The following MARVELD2 variants were observed in gnomAD, a reference collection of about 807,000 sequenced individuals.
MARVELD2 encodes MARVEL domain-containing protein 2.
Under a neutral mutation model 57.6 loss-of-function variants are expected in MARVELD2, and 49 were observed. That is an observed-to-expected ratio of 0.85 (90% CI 0.68 to 1.08). MARVELD2 has a LOEUF of 1.08. Among genes scored for constraint, MARVELD2 ranks in the 50% least tolerant of loss-of-function variants. The pLI, the probability that MARVELD2 is intolerant of heterozygous loss-of-function variation, is 0.00. For missense variants in MARVELD2, 606 were observed against 701.1 expected (o/e 0.86, Z 1.53); for synonymous variants, 238 against 258.8 (o/e 0.92, Z 0.77).
At chr5:69,427,442 C>T (rs1340642804) in intron 3 of MARVELD2, among the ~76,000 whole-genome samples, 1 of 151,082 alleles carries the variant, frequency 6.6e-6, no homozygotes, top group Non-Finnish European at 1.5e-5. Context: ...GACAGAGTCT[C>T]ACTCTGTCAC....
chr5:69,415,184 G>C lies in MARVELD2; in HGVS notation c.-16+14G>C, dbSNP rs926798465. ...GCGGCTGCGCAGGTAAGTGGGACCGGGGTGGGGCCACGTGACCGGGAGAGG... is the reference window on the plus strand; with the variant it reads ...GCGGCTGCGCAGGTAAGTGGGACCGCGGTGGGGCCACGTGACCGGGAGAGG... On this transcript the variant is annotated intron_variant, in intron 1 of 6. Transcript: ENST00000325631. 2 of 152,344 alleles carry C rather than the reference G, an allele frequency of 1.3e-5. No individual in the cohort carries two copies. The highest frequency in any genetic ancestry group is 1.3e-4 in the Admixed American group (2 of 15,292). 9.4% of individuals were successfully genotyped at this position (152,344 alleles called of 1,614,324 possible).
intron 5 of MARVELD2, among the ~76,000 whole-genome samples, chr5:69,437,032 T>C (rs1389961212): frequency 6.6e-6 from 1 of 151,032 alleles, no homozygotes; most frequent in Non-Finnish European, 1.5e-5. Flanking sequence ...CTACTAAAAA[T>C]ACAAAAATTA....
intron 5 of MARVELD2, among the ~76,000 whole-genome samples, chr5:69,434,601 C>T (rs1237885200): frequency 6.6e-6 from 1 of 152,074 alleles, no homozygotes; most frequent in Non-Finnish European, 1.5e-5. Flanking sequence ...TAAGCTTTTT[C>T]GTAGTGCTCT....
chr5:69,426,592 C>T (rs1766802495), intron 3 of MARVELD2, among the ~76,000 whole-genome samples: 1 of 152,094 alleles, frequency 6.6e-6, no homozygotes, highest in Non-Finnish European at 1.5e-5. Context: ...CTTAGCCTCC[C>T]AAAGTGCTGG....
chr5:69,423,545 C>T (rs1329801179), intron 2 of MARVELD2, among the ~76,000 whole-genome samples: 2 of 152,148 alleles, frequency 1.3e-5, no homozygotes, highest in Non-Finnish European at 2.9e-5. Flanking sequence ...AAGTATAAGC[C>T]ACTGTGCTTG....
chr5:69,438,633 C>A (rs1179834580), intron 5 of MARVELD2, among the ~76,000 whole-genome samples: 1 of 151,864 alleles, frequency 6.6e-6, no homozygotes, highest in Non-Finnish European at 1.5e-5. Flanking sequence ...ACACCTGTAA[C>A]CCCAGCACTT....
At chr5:69,428,778 A>G (rs1355061217) in intron 3 of MARVELD2, among the ~76,000 whole-genome samples, 1 of 152,214 alleles carries the variant, frequency 6.6e-6, no homozygotes, top group Non-Finnish European at 1.5e-5. Flanking sequence ...CAACAAGCTC[A>G]TAGCAGCTTC....
intron 3 of MARVELD2, among the ~76,000 whole-genome samples, chr5:69,429,686 T>G (rs1330960791): frequency 6.6e-6 from 1 of 152,026 alleles, no homozygotes; most frequent in Non-Finnish European, 1.5e-5. Flanking sequence ...ATTTAAAGTA[T>G]CAATGAACCA....
At chr5:69,425,018 G>GT (rs1766740379) in intron 3 of MARVELD2, among the ~76,000 whole-genome samples, 3 of 110,536 alleles carry the variant, frequency 2.7e-5, no homozygotes, top group African/African-American at 6.5e-5. Context: ...GAGTGAGACT[G>GT]TTTAAAAAAA....
In MARVELD2 at chr5:69,420,291, T is replaced by G; in HGVS notation, c.906T>G (p.Ile302Met). The change falls in exon 2 of 7, where the codon ATT becomes ATG. Residue 302 changes from isoleucine to methionine, a missense_variant. By Grantham distance (10) the Ile-to-Met change is conservative (BLOSUM62 1). Transcript: ENST00000325631. ...TTGGAATTAACGTTGCCTTGTTTAT[T>G]TTGTATATGGCCGCAGCCATAGTCT... ...TEFGINVALFILYMAAAIVYV... is the reference protein window; with the variant it reads ...TEFGINVALFMLYMAAAIVYV... 1 of 1,614,188 alleles carries G rather than the reference T, an allele frequency of 6.2e-7. No homozygotes were observed. The highest frequency in any genetic ancestry group is 8.5e-7 in the Non-Finnish European group (1 of 1,180,050).
intron 3 of MARVELD2, among the ~76,000 whole-genome samples, chr5:69,429,305 T>C (rs1482653752): frequency 6.6e-6 from 1 of 152,164 alleles, no homozygotes; most frequent in African/African-American, 2.4e-5. Flanking sequence ...TGAGCTAATA[T>C]TAAACCAAAG....
rs35899728 is a variant in MARVELD2 at position 69,429,845 on chromosome 5, CA to C, written c.1183-2662del. On this transcript the variant is annotated intron_variant, in intron 3 of 6. Coordinates refer to ENST00000325631, the MANE Select transcript of MARVELD2 (RefSeq NM_001038603.3). ...TGGGTGGCACAGTGAGACTCTGTAT[CA>C]AAAAAAAAAAAAAAAAAAAGTATCA... Among the ~76,000 whole-genome samples the C allele has an allele frequency of 7.5e-4, 95 of 126,740 alleles. 2 individuals carry two copies. Among genetic ancestry groups the C allele is most frequent in the Admixed American group, 5.3e-3 (65 of 12,256 alleles). 83.1% of individuals were successfully genotyped at this position (126,740 alleles called of 152,430 possible). A position where few individuals can be genotyped will look rare whatever the true frequency, so the allele number is the denominator to read the frequency against.
At chr5:69,424,468 G>A (rs1766723118) in intron 2 of MARVELD2, 133 bp from the exon 3 acceptor site, 5 of 734,954 alleles carry the variant, frequency 6.8e-6, no homozygotes, top group Non-Finnish European at 1.2e-5. Flanking sequence ...GCAAAAAAAG[G>A]ATGAGAAACA....
rs1767330869 is a variant in MARVELD2 at position 69,441,654 on chromosome 5, ACG to A, written c.*2_*3del. 6.4e-7 allele frequency: 1 copy of A among 1,559,670 alleles called. No homozygotes were observed. Among genetic ancestry groups the A allele is most frequent in the Admixed American group, 1.7e-5 (1 of 59,592 alleles). The stretch of plus-strand genomic sequence containing the variant: ...ATTGGGATGTACAAGGTTATTCTTA[ACG>A]CTTATTTGAAACCACTTTATTTTTT... On this transcript the variant is annotated 3_prime_UTR_variant, in exon 7 of 7. Transcript: ENST00000325631.
At chr5:69,439,037 TG>T (rs1286374552) in intron 5 of MARVELD2, among the ~76,000 whole-genome samples, 1 of 140,606 alleles carries the variant, frequency 7.1e-6, no homozygotes, top group Non-Finnish European at 1.5e-5. Flanking sequence ...CCTTCCAGCT[TG>T]GGCAACAGAG....
chr5:69,419,982 G>A lies in MARVELD2; in HGVS notation c.597G>A (p.Val199=), dbSNP rs535204408. ...WAGLLRILGV[V]ELLLGAGVFA... ...GCCTGCTGAGAATACTGGGTGTGGT[G>A]GAGCTGCTTTTGGGGGCCGGTGTCT... The change falls in exon 2 of 7, where the codon GTG becomes GTA. Residue 199 remains valine (V), a synonymous_variant. Coordinates refer to ENST00000325631, the MANE Select transcript of MARVELD2 (RefSeq NM_001038603.3). 1 of 1,614,176 alleles carries A rather than the reference G, an allele frequency of 6.2e-7. No homozygotes were observed. The highest frequency in any genetic ancestry group is 1.7e-5 in the Admixed American group (1 of 60,020).
At chr5:69,431,912 C>G (rs1766976750) in intron 3 of MARVELD2, among the ~76,000 whole-genome samples, 1 of 145,792 alleles carries the variant, frequency 6.9e-6, no homozygotes, top group Non-Finnish European at 1.5e-5. Context: ...TCACAGCTCA[C>G]TGTAACCTCT....
At chr5:69,417,360 GCAT>G (rs1461053187) in intron 1 of MARVELD2, among the ~76,000 whole-genome samples, 2 of 152,192 alleles carry the variant, frequency 1.3e-5, no homozygotes, top group African/African-American at 4.8e-5. Flanking sequence ...CCCGGTTAAA[GCAT>G]CATGAAGGCA....
In MARVELD2 at chr5:69,419,814, CT is replaced by C. The variant is rs1355897148; in HGVS notation, c.432del (p.Phe144LeufsTer19). 3 of 1,614,176 alleles carry C rather than the reference CT, an allele frequency of 1.9e-6. No homozygotes were observed. In the African/African-American group the frequency reaches 4.0e-5, roughly 22 times the overall value. ...KDPYGGSEGTFSSRKEADAVF... is the reference protein window; with the variant it reads ...KDPYGGSEGTXSSRKEADAVF... ...ATCCCTACGGAGGGTCAGAAGGAAC[CT>C]TTAGTTCCCGGAAAGAGGCTGACGC... is the stretch of plus-strand genomic sequence containing the variant. On this transcript the variant is annotated frameshift_variant, in exon 2 of 7. Transcript: ENST00000325631. LOFTEE classifies it high-confidence loss of function.
Sources: allele counts gnomAD v4.1 joint callset (sites outside exome capture counted in the v4.1 genomes callset), GRCh38; gene constraint gnomAD v4.1.1; transcripts MANE v1.5; gene names NCBI Gene and HGNC (gene_info 2026-07-23, HGNC 2026-07-21).